Variants in CNTNAP2 observed in about 807,000 individuals in gnomAD.
CNTNAP2 encodes the protein contactin associated protein 2, also known as contactin-associated protein-like 2.
CNTNAP2 carries 98 observed loss-of-function variants against 155.2 expected under a neutral mutation model. That is an observed-to-expected ratio of 0.63 (90% CI 0.54 to 0.75). The LOEUF (loss-of-function observed/expected upper bound fraction) is 0.75, where lower values mean the gene tolerates loss of function less well. Among genes scored for constraint, CNTNAP2 ranks in the 30% least tolerant of loss-of-function variants. The probability of loss-of-function intolerance (pLI) is 0.00; values close to 1 mark genes in which losing one functional copy is unlikely to be tolerated. For synonymous variants in CNTNAP2, 651 were observed against 631.2 expected (o/e 1.03, Z -0.47); for missense variants, 1,727 against 1,688.1 (o/e 1.02, Z -0.40).
intron 3 of CNTNAP2, among the ~76,000 whole-genome samples, chr7:146,934,359 C>T (rs1327569600): frequency 6.8e-6 from 1 of 146,676 alleles, no homozygotes; most frequent in Non-Finnish European, 1.5e-5. Flanking sequence ...CCAAACACCG[C>T]ATATTCTCAC....
intron 8 of CNTNAP2, among the ~76,000 whole-genome samples, chr7:147,187,765 C>G (rs1017225343): frequency 6.6e-6 from 1 of 152,054 alleles, no homozygotes; most frequent in African/African-American, 2.4e-5. Flanking sequence ...GAAAAATAAT[C>G]GATACATAAA....
In CNTNAP2 at chr7:148,104,268, G is replaced by A. The variant is rs191379075; in HGVS notation, c.2384-13850G>A. Among the ~76,000 whole-genome samples the A allele has an allele frequency of 3.7e-3, 560 of 152,220 alleles. 3 individuals are homozygous for A. The highest frequency in any genetic ancestry group is 6.3e-3 in the Non-Finnish European group (426 of 68,022). ...TCCTGTAATGAAAAGAGCACAAAAA[G>A]GAAACTTTGATTTGTGTAACGTAAT... On this transcript the variant is annotated intron_variant, in intron 15 of 23. Transcript: ENST00000361727.
At chr7:147,508,376 G>A (rs1026389571) in intron 11 of CNTNAP2, among the ~76,000 whole-genome samples, 29 of 152,168 alleles carry the variant, frequency 1.9e-4, no homozygotes, top group African/African-American at 7.0e-4. Context: ...CATCTAATTG[G>A]TCACCAAGTT....
intron 22 of CNTNAP2, among the ~76,000 whole-genome samples, chr7:148,408,073 T>C (rs370806571): frequency 1.1e-4 from 17 of 152,170 alleles, no homozygotes; most frequent in East Asian, 5.8e-4. Context: ...GGTGAAACCC[T>C]GTCTCTACTA....
intron 10 of CNTNAP2, among the ~76,000 whole-genome samples, chr7:147,396,818 A>AT (rs1414958140): frequency 1.3e-5 from 2 of 152,042 alleles, no homozygotes; most frequent in African/African-American, 4.8e-5. Flanking sequence ...CATTTTATTA[A>AT]TTTTGTGTTT....
chr7:146,922,434 G>A (rs757927812), intron 3 of CNTNAP2, among the ~76,000 whole-genome samples: 3 of 152,188 alleles, frequency 2.0e-5, no homozygotes, highest in South Asian at 2.1e-4. Flanking sequence ...CCTGAACGTA[G>A]TGGTGAGGCA....
chr7:146,271,938 T>C (rs1800088883), intron 1 of CNTNAP2, among the ~76,000 whole-genome samples: 1 of 152,230 alleles, frequency 6.6e-6, no homozygotes, highest in African/African-American at 2.4e-5. Context: ...GAACTTGTAT[T>C]GGAATTCTTC....
intron 3 of CNTNAP2, among the ~76,000 whole-genome samples, chr7:147,037,359 A>G (rs1009026709): frequency 1.3e-5 from 2 of 151,824 alleles, no homozygotes; most frequent in Non-Finnish European, 2.9e-5. Context: ...CTAGTTGACA[A>G]TTTGATTCTC....
chr7:147,012,899 G>A (rs1162656997), intron 3 of CNTNAP2, among the ~76,000 whole-genome samples: 1 of 152,086 alleles, frequency 6.6e-6, no homozygotes, highest in Non-Finnish European at 1.5e-5. Context: ...TGCAGCCAGT[G>A]TAAACACAGA....
At chr7:146,491,741 A>G (rs1048252289) in intron 1 of CNTNAP2, among the ~76,000 whole-genome samples, 1 of 152,204 alleles carries the variant, frequency 6.6e-6, no homozygotes, top group African/African-American at 2.4e-5. Flanking sequence ...ATATCTGTGG[A>G]TACAAAAGAA....
At chr7:147,647,137 GC>G (rs1490751470) in intron 13 of CNTNAP2, among the ~76,000 whole-genome samples, 3 of 151,712 alleles carry the variant, frequency 2.0e-5, no homozygotes, top group Admixed American at 1.3e-4. Context: ...ACAGGCGCAT[GC>G]TGCCACGCCC....
chr7:146,480,688 T>C (rs1394271258), intron 1 of CNTNAP2, among the ~76,000 whole-genome samples: 2 of 126,974 alleles, frequency 1.6e-5, no homozygotes, highest in African/African-American at 6.1e-5. Flanking sequence ...TTTTTTTTCC[T>C]TTTTTTTTTT....
intron 2 of CNTNAP2, among the ~76,000 whole-genome samples, chr7:146,831,509 C>G (rs181372533): frequency 1.4e-3 from 220 of 151,736 alleles, no homozygotes; most frequent in African/African-American, 5.0e-3. Flanking sequence ...AACCGTGTCT[C>G]TACTAAAAAT....
At chr7:147,514,929 C>T (rs1799092261) in intron 11 of CNTNAP2, among the ~76,000 whole-genome samples, 1 of 152,176 alleles carries the variant, frequency 6.6e-6, no homozygotes, top group African/African-American at 2.4e-5. Flanking sequence ...TCACAGCAGC[C>T]AGTGTGATTC....
intron 2 of CNTNAP2, among the ~76,000 whole-genome samples, chr7:146,788,457 GATTAAATTT>G (rs1439446985): frequency 6.6e-6 from 1 of 152,190 alleles, no homozygotes; most frequent in Non-Finnish European, 1.5e-5. Context: ...AGAGGAGGAT[GATTAAATTT>G]ATTCCAACAA....
chr7:148,017,440 G>T (rs887570432), intron 15 of CNTNAP2, among the ~76,000 whole-genome samples: 2 of 152,124 alleles, frequency 1.3e-5, no homozygotes, highest in African/African-American at 4.8e-5. Context: ...ATACAAAAAG[G>T]CTGCTTATGT....
At chr7:146,867,733 T>A (rs558164951) in intron 3 of CNTNAP2, among the ~76,000 whole-genome samples, 1 of 152,204 alleles carries the variant, frequency 6.6e-6, no homozygotes, top group South Asian at 2.1e-4. Flanking sequence ...TGAGGTGGTA[T>A]CTCATTGTGG....
chr7:148,403,418 C>T (rs930611321), intron 22 of CNTNAP2, among the ~76,000 whole-genome samples: 28 of 152,134 alleles, frequency 1.8e-4, no homozygotes, highest in African/African-American at 6.7e-4. Flanking sequence ...TTTGGGGATC[C>T]GCAAGAGAAG....
intron 12 of CNTNAP2, 149 bp from the exon 13 acceptor site, chr7:147,638,957 G>A (rs1334179699): frequency 2.5e-6 from 2 of 809,038 alleles, no homozygotes; most frequent in Non-Finnish European, 4.4e-6. Flanking sequence ...TGAGCAAAGA[G>A]CAGGGGGTTT....
Sources: gnomAD v4.1 joint callset for allele counts (sites outside exome capture counted in the v4.1 genomes callset) on GRCh38, gnomAD v4.1.1 for gene constraint, MANE v1.5 for transcripts, NCBI Gene and HGNC (gene_info 2026-07-23, HGNC 2026-07-21) for gene names.